The following MAGEA10 variants were observed in gnomAD, a reference collection of about 807,000 sequenced individuals.
MAGEA10 encodes the protein melanoma-associated antigen 10.
MAGEA10 carries 7 observed loss-of-function variants against 8.6 expected under a neutral mutation model. That is an observed-to-expected ratio of 0.82 (90% CI 0.46 to 1.53). The LOEUF is 1.53. Among genes scored for constraint, MAGEA10 ranks in the 40% most tolerant of loss-of-function variants. The probability of loss-of-function intolerance (pLI) is 0.01; values close to 1 mark genes in which losing one functional copy is unlikely to be tolerated. For synonymous variants in MAGEA10, 125 were observed against 107.4 expected, an observed-to-expected ratio of 1.16 and a Z score of -1.02; for missense variants, 293 against 274.0, an observed-to-expected ratio of 1.07 and a Z score of -0.49.
rs776537677 is a variant in MAGEA10, at chrX:152,135,552, C to T, written c.69G>A (p.Gln23=). 8.7e-7 allele frequency: 1 copy of T among 1,154,420 alleles called. No homozygotes were observed. The highest frequency in any genetic ancestry group is 2.1e-5 in the South Asian group (1 of 47,899). ...EEDLQSQSET[Q]GLEGAQAPLA... is the part of the protein sequence containing the mutation. Reference sequence around the variant, plus strand: ...GGGGAGCCTGTGCACCCTCGAGGCCCTGTGTCTCACTTTGGGATTGAAGAT... The same window carrying T: ...GGGGAGCCTGTGCACCCTCGAGGCCTTGTGTCTCACTTTGGGATTGAAGAT... Residue 23 remains glutamine (Q), a synonymous_variant, in exon 4 of 4, where the codon CAG becomes CAA. Transcript: ENST00000370323.
Position 152,135,596 on chromosome X carries a change from G to A in MAGEA10, c.25C>T (p.Arg9Cys), listed in dbSNP as rs766357263. 1.8e-5 allele frequency: 20 copies of A among 1,138,602 alleles called. No homozygotes were observed. The highest frequency in any genetic ancestry group is 1.1e-4 in the African/African-American group (6 of 54,693). The allele number at this position is 1,138,602 out of a possible 1,213,427, so 93.8% of individuals were successfully genotyped here. A position where few individuals can be genotyped will look rare whatever the true frequency, so the allele number is the denominator to read the frequency against. Residue 9 changes from arginine to cysteine, a missense_variant, in exon 4 of 4, where the codon CGC (arginine) becomes TGC (cysteine). Arg to Cys is a radical substitution (Grantham distance 180). Transcript: ENST00000370323. MPRAPKRQRCMPEEDLQSQ... is the reference protein window; with the variant it reads MPRAPKRQCCMPEEDLQSQ... ...TGAAGATCTTCTTCAGGCATGCAGC[G>A]CTGACGCTTTGGAGCTCGAGGCATG...
chrX:152,138,335 C>CGGGGGGG (rs1242062065), intron 1 of MAGEA10, 140 bp downstream of exon 1: 1 of 1,317 alleles, frequency 7.6e-4, no homozygotes, highest in Non-Finnish European at 1.6e-3. Flanking sequence ...AGAGTGGGGG[C>CGGGGGGG]GGGGGTGGGG....
At chrX:152,137,456 C>G (rs1603184078) in intron 1 of MAGEA10, among the ~76,000 whole-genome samples, 3 of 44,625 alleles carry the variant, frequency 6.7e-5, no homozygotes, top group Non-Finnish European at 1.2e-4. Flanking sequence ...GGGAGGGGGA[C>G]AAGACGGGGA....
chrX:152,138,319 C>A, intron 1 of MAGEA10, among the ~76,000 whole-genome samples, 156 bp downstream of exon 1: 1 of 3,467 alleles, frequency 2.9e-4, no homozygotes, highest in South Asian at 9.4e-3. Context: ...GCTTAAGCGG[C>A]GGGAGAGAGT....
In MAGEA10 at chrX:152,138,560, C is replaced by A. The variant is rs1274346249; in HGVS notation, c.-324G>T. 2 of 105,238 alleles carry A rather than the reference C, an allele frequency of 1.9e-5. No homozygotes were observed. Among genetic ancestry groups the A allele is most frequent in the Non-Finnish European group, 3.9e-5 (2 of 51,365 alleles). 8.7% of individuals were successfully genotyped at this position (105,238 alleles called of 1,213,427 possible). On this transcript the variant is annotated 5_prime_UTR_variant, in exon 1 of 4. Transcript: ENST00000370323. ...AACGAGAACCTCGCTTCTCTCTGAT[C>A]CCCGAGGCGTAAGTTAGTGGCGTCA...
rs1203280978 is a variant in MAGEA10, at chrX:152,133,663, G to A, written c.*848C>T. ...ATACCAAGAAGAGGCTGGGTGCAGT[G>A]GCTCACACCTGTTATCCCAGCACTT... On this transcript the variant is annotated 3_prime_UTR_variant, in exon 4 of 4. Transcript: ENST00000370323. 1 of 111,574 alleles carries A rather than the reference G, an allele frequency of 9.0e-6. No individual in the cohort carries two copies. Among genetic ancestry groups the A allele is most frequent in the East Asian group, 2.8e-4 (1 of 3,558 alleles). 9.2% of individuals were successfully genotyped at this position (111,574 alleles called of 1,213,427 possible).
Position 152,136,922 on chromosome X carries a change from T to A in MAGEA10, c.-191A>T, listed in dbSNP as rs1936687465. The A allele has an allele frequency of 9.0e-6, 1 of 111,511 alleles. No individual in the cohort carries two copies. Among genetic ancestry groups the A allele is most frequent in the African/African-American group, 3.3e-5 (1 of 30,561 alleles). 9.2% of individuals were successfully genotyped at this position (111,511 alleles called of 1,213,427 possible). A position where few individuals can be genotyped will look rare whatever the true frequency, so the allele number is the denominator to read the frequency against. ...CACTGTGTCTGTAGAAAAGAGGGGT[T>A]CCCTGTGTTGACTTGAGTCACCCTC... On this transcript the variant is annotated 5_prime_UTR_variant, in exon 2 of 4. Coordinates refer to ENST00000370323, the MANE Select transcript of MAGEA10 (RefSeq NM_021048.5).
At position 152,136,933 on chromosome X, in the gene MAGEA10, A is replaced by T. The variant is rs1019205640; in HGVS notation, c.-202T>A. On this transcript the variant is annotated 5_prime_UTR_variant, in exon 2 of 4. Transcript: ENST00000370323. Reference sequence around the variant, plus strand: ...TAGAAAAGAGGGGTTCCCTGTGTTGACTTGAGTCACCCTCTGAGAGCAAGG... The same window carrying T: ...TAGAAAAGAGGGGTTCCCTGTGTTGTCTTGAGTCACCCTCTGAGAGCAAGG... The T allele has an allele frequency of 8.1e-5, 9 of 111,439 alleles. No individual in the cohort carries two copies. In the Admixed American group the frequency reaches 8.5e-4, roughly 11 times the overall value. The allele number at this position is 111,439 out of a possible 1,213,427, so 9.2% of individuals were successfully genotyped here.
chrX:152,134,868 ATT>A lies in MAGEA10; in HGVS notation c.751_752del (p.Asn251TyrfsTer6). 1 of 1,211,250 alleles carries A rather than the reference ATT, an allele frequency of 8.3e-7. No homozygotes were observed. Among genetic ancestry groups the A allele is most frequent in the Non-Finnish European group, 1.1e-6 (1 of 895,362 alleles). ...TPEEVIWEALNMMGLYDGMEH... is the reference protein window; with the variant it reads ...TPEEVIWEALXMMGLYDGMEH... ...CCATCCCATCATACAGCCCCATCATATTCAGTGCTTCCCAGATGACCTCCTCA... is the reference window on the plus strand; with the variant it reads ...CCATCCCATCATACAGCCCCATCATACAGTGCTTCCCAGATGACCTCCTCA... On this transcript the variant is annotated frameshift_variant, in exon 4 of 4. Coordinates refer to ENST00000370323, the MANE Select transcript of MAGEA10 (RefSeq NM_021048.5). LOFTEE classifies it high-confidence loss of function.
Position 152,135,807 on chromosome X carries a change from C to A in MAGEA10, c.-112G>T, listed in dbSNP as rs1355957627. 5.9e-6 allele frequency: 2 copies of A among 339,435 alleles called. No individual in the cohort carries two copies. The highest frequency in any genetic ancestry group is 1.1e-5 in the Non-Finnish European group (2 of 189,694). The allele number at this position is 339,435 out of a possible 1,213,427, so 28.0% of individuals were successfully genotyped here. A position where few individuals can be genotyped will look rare whatever the true frequency, so the allele number is the denominator to read the frequency against. ...CTCTGTGGTGTCCCACAGCTCTTGACCTCTTGCTCTCCCTGTCCCCTGAGA... is the reference window on the plus strand; with the variant it reads ...CTCTGTGGTGTCCCACAGCTCTTGAACTCTTGCTCTCCCTGTCCCCTGAGA... On this transcript the variant is annotated 5_prime_UTR_variant, in exon 3 of 4. Transcript: ENST00000370323.
rs763931203 is a variant in MAGEA10, at chrX:152,135,167, T to C, written c.454A>G (p.Lys152Glu). 1.1e-5 allele frequency: 13 copies of C among 1,208,682 alleles called. No individual in the cohort carries two copies. The South Asian group carries it at 2.1e-4, about 20-fold the overall frequency. Residue 152 changes from lysine (K) to glutamate (E), a missense_variant, in exon 4 of 4, where the codon AAG becomes GAG. Coordinates refer to ENST00000370323, the MANE Select transcript of MAGEA10 (RefSeq NM_021048.5). ...VQFLLFKYQMKEPITKAEILE... is the reference protein window; with the variant it reads ...VQFLLFKYQMEEPITKAEILE... ...ATTTCTGCCTTTGTGATCGGCTCCTTCATTTGATACTTGAAGAGCAGAAAC... is the reference window on the plus strand; with the variant it reads ...ATTTCTGCCTTTGTGATCGGCTCCTCCATTTGATACTTGAAGAGCAGAAAC...
At position 152,135,351 on chromosome X, in the gene MAGEA10, G is replaced by C; in HGVS notation, c.270C>G (p.Ala90=). The C allele has an allele frequency of 8.3e-7, 1 of 1,209,808 alleles. No individual in the cohort carries two copies. Among genetic ancestry groups the C allele is most frequent in the Non-Finnish European group, 1.1e-6 (1 of 894,662 alleles). ...AAGCAACGACCGAGGGGGAGGAGCA[G>C]GCTATCTGAGCACTCTGGGGAGGAT... ...TPNPPQSAQI[A]CSSPSVVASL... is the part of the protein sequence containing the mutation. The change falls in exon 4 of 4, where the codon GCC becomes GCG. Residue 90 remains alanine, a synonymous_variant. Transcript: ENST00000370323.
At chrX:152,136,457 C>G (rs962782880) in intron 2 of MAGEA10, among the ~76,000 whole-genome samples, 1 of 110,696 alleles carries the variant, frequency 9.0e-6, no homozygotes, top group African/African-American at 3.3e-5. Context: ...CGACCTGGGA[C>G]CCTCCCTTTG....
chrX:152,138,204 C>T (rs754739646), intron 1 of MAGEA10, among the ~76,000 whole-genome samples: 1 of 110,956 alleles, frequency 9.0e-6, no homozygotes, highest in African/African-American at 3.3e-5. Context: ...GGGCAGAGCC[C>T]TCCCTGAGCG....
In MAGEA10 at chrX:152,135,044, C is replaced by T. The variant is rs760135991; in HGVS notation, c.577G>A (p.Glu193Lys). 1 of 1,211,525 alleles carries T rather than the reference C, an allele frequency of 8.3e-7. No individual in the cohort carries two copies. Among genetic ancestry groups the T allele is most frequent in the South Asian group, 1.8e-5 (1 of 56,930 alleles). ...AAGGAGTGGCCAGTGGGATCCACTTCCTTTACATCAATGCCAAAGACCAGC... is the reference window on the plus strand; with the variant it reads ...AAGGAGTGGCCAGTGGGATCCACTTTCTTTACATCAATGCCAAAGACCAGC... The part of the protein sequence containing the change: ...MLLVFGIDVK[E>K]VDPTGHSFVL... Residue 193 changes from glutamate (E) to lysine (K), a missense_variant, in exon 4 of 4, where the codon GAA (glutamate) becomes AAA (lysine). Physicochemically the swap from Glu to Lys is moderately conservative, Grantham distance 56. Coordinates refer to ENST00000370323, the MANE Select transcript of MAGEA10 (RefSeq NM_021048.5).
chrX:152,134,362 C>T lies in MAGEA10; in HGVS notation c.*149G>A, dbSNP rs757815499. On this transcript the variant is annotated 3_prime_UTR_variant, in exon 4 of 4. Coordinates refer to ENST00000370323, the MANE Select transcript of MAGEA10 (RefSeq NM_021048.5). ...GTGCAATAGAACACTAGAACTTATT[C>T]CTCCTATTTAATTGTAATGTAACTA... 1.1e-5 allele frequency: 5 copies of T among 458,188 alleles called. No individual in the cohort carries two copies. In the South Asian group the frequency reaches 2.1e-4, roughly 19 times the overall value. The allele number at this position is 458,188 out of a possible 1,213,427, so 37.8% of individuals were successfully genotyped here. A position where few individuals can be genotyped will look rare whatever the true frequency, so the allele number is the denominator to read the frequency against.
At position 152,135,552 on chromosome X, in the gene MAGEA10, C is replaced by A. The variant is rs776537677; in HGVS notation, c.69G>T (p.Gln23His). 8.7e-7 allele frequency: 1 copy of A among 1,152,862 alleles called. No homozygotes were observed. Among genetic ancestry groups the A allele is most frequent in the Admixed American group, 2.8e-5 (1 of 35,693 alleles). The change falls in exon 4 of 4, where the codon CAG becomes CAT. Residue 23 changes from glutamine to histidine, a missense_variant. Transcript: ENST00000370323. ...EEDLQSQSET[Q>H]GLEGAQAPLA... Reference sequence around the variant, plus strand: ...GGGGAGCCTGTGCACCCTCGAGGCCCTGTGTCTCACTTTGGGATTGAAGAT... The same window carrying A: ...GGGGAGCCTGTGCACCCTCGAGGCCATGTGTCTCACTTTGGGATTGAAGAT...
At position 152,134,122 on chromosome X, in the gene MAGEA10, C is replaced by G. The variant is rs1390663405; in HGVS notation, c.*389G>C. 1 of 129,374 alleles carries G rather than the reference C, an allele frequency of 7.7e-6. No individual in the cohort carries two copies. The highest frequency in any genetic ancestry group is 3.2e-5 in the African/African-American group (1 of 30,929). 10.7% of individuals were successfully genotyped at this position (129,374 alleles called of 1,213,427 possible). A position where few individuals can be genotyped will look rare whatever the true frequency, so the allele number is the denominator to read the frequency against. The stretch of plus-strand genomic sequence containing the variant: ...TTTGTTTTCATAAATTAAAAAAAAA[C>G]AAAAACATAAACAAAAACTGACATG... On this transcript the variant is annotated 3_prime_UTR_variant, in exon 4 of 4. Transcript: ENST00000370323.
In MAGEA10 at chrX:152,135,218, C is replaced by A; in HGVS notation, c.403G>T (p.Asp135Tyr). 1 of 1,209,891 alleles carries A rather than the reference C, an allele frequency of 8.3e-7. No homozygotes were observed. Among genetic ancestry groups the A allele is most frequent in the South Asian group, 1.8e-5 (1 of 56,641 alleles). ...DSESLPRSEIDEKVTDLVQFL... is the reference protein window; with the variant it reads ...DSESLPRSEIYEKVTDLVQFL... ...TGCACCAAATCAGTCACCTTTTCAT[C>A]TATCTCACTTCTGGGTAAAGACTCA... Residue 135 changes from aspartate (D) to tyrosine (Y), a missense_variant, in exon 4 of 4, where the codon GAT (aspartate) becomes TAT (tyrosine). By Grantham distance (160) the Asp-to-Tyr change is radical (BLOSUM62 -3). Coordinates refer to ENST00000370323, the MANE Select transcript of MAGEA10 (RefSeq NM_021048.5).
Sources: allele counts gnomAD v4.1 joint callset (sites outside exome capture counted in the v4.1 genomes callset), GRCh38; gene constraint gnomAD v4.1.1; transcripts MANE v1.5; gene names NCBI Gene and HGNC (gene_info 2026-07-23, HGNC 2026-07-21).